The following SLC35F3 variants were observed in gnomAD, a reference collection of about 807,000 sequenced individuals.
SLC35F3 encodes the protein putative thiamine transporter SLC35F3.
Under a neutral mutation model 49.9 loss-of-function variants are expected in SLC35F3, and 25 were observed. That is an observed-to-expected ratio of 0.50 (90% CI 0.37 to 0.70). SLC35F3 has a LOEUF of 0.70. SLC35F3 is among the 30% of genes least tolerant of loss of function. The pLI is 0.00. For synonymous variants in SLC35F3, 275 were observed against 265.4 expected (o/e 1.04, Z -0.35); for missense variants, 525 against 639.8 (o/e 0.82, Z 1.94).
At chr1:234,104,730 A>G (rs1408487458) in intron 2 of SLC35F3, among the ~76,000 whole-genome samples, 1 of 152,262 alleles carries the variant, frequency 6.6e-6, no homozygotes, top group East Asian at 1.9e-4. Context: ...GGCCTATGGA[A>G]CTGACTGAAA....
chr1:234,089,044 T>TA (rs1665003142), intron 2 of SLC35F3, among the ~76,000 whole-genome samples: 2 of 152,196 alleles, frequency 1.3e-5, no homozygotes, highest in Non-Finnish European at 2.9e-5. Context: ...TTACAGGCAT[T>TA]AGCCATGGTG....
chr1:234,166,834 C>T (rs1666327714), intron 2 of SLC35F3, among the ~76,000 whole-genome samples: 1 of 152,224 alleles, frequency 6.6e-6, no homozygotes, highest in Non-Finnish European at 1.5e-5. Flanking sequence ...TGGTTCCTTT[C>T]TCAGTTCACC....
intron 2 of SLC35F3, among the ~76,000 whole-genome samples, chr1:233,917,324 A>T (rs4920229): frequency 6.6e-6 from 1 of 152,228 alleles, no homozygotes; most frequent in East Asian, 1.9e-4. Flanking sequence ...ACAGCTTCTT[A>T]GCTACAGGGG....
At chr1:234,213,631 T>C (rs1667072774) in intron 2 of SLC35F3, 1 of 152,310 alleles carries the variant, frequency 6.6e-6, no homozygotes, top group Admixed American at 6.5e-5. Flanking sequence ...GTGAAGCTGG[T>C]GCCTGCAGAG....
intron 2 of SLC35F3, among the ~76,000 whole-genome samples, chr1:234,162,593 C>T (rs1005490152): frequency 6.6e-6 from 1 of 151,846 alleles, no homozygotes; most frequent in Non-Finnish European, 1.5e-5. Context: ...CACCTCTGCT[C>T]TCCCCAGCCC....
chr1:234,181,892 A>G (rs1354287216), intron 2 of SLC35F3, among the ~76,000 whole-genome samples: 2 of 152,204 alleles, frequency 1.3e-5, no homozygotes, highest in African/African-American at 2.4e-5. Flanking sequence ...GCAACTATTT[A>G]TGAACTGCCT....
chr1:234,093,485 C>T (rs1665074233), intron 2 of SLC35F3, among the ~76,000 whole-genome samples: 2 of 152,234 alleles, frequency 1.3e-5, no homozygotes, highest in Non-Finnish European at 2.9e-5. Flanking sequence ...TCTCTGTTTA[C>T]TATCAGTCCT....
chr1:233,961,098 C>T (rs1662791621), intron 2 of SLC35F3, among the ~76,000 whole-genome samples: 1 of 152,120 alleles, frequency 6.6e-6, no homozygotes, highest in South Asian at 2.1e-4. Context: ...GATGTTGGAT[C>T]ACATACTTCT....
intron 3 of SLC35F3, among the ~76,000 whole-genome samples, chr1:234,271,206 G>A (rs901241344): frequency 5.9e-5 from 9 of 152,100 alleles, no homozygotes; most frequent in African/African-American, 1.9e-4. Flanking sequence ...GAGTCCATTC[G>A]GTTGCCCCAA....
chr1:233,992,082 C>A (rs571161498), intron 2 of SLC35F3, among the ~76,000 whole-genome samples: 4 of 152,290 alleles, frequency 2.6e-5, no homozygotes, highest in African/African-American at 9.6e-5. Context: ...ACCCAACCCA[C>A]ACGATGGTGA....
intron 2 of SLC35F3, among the ~76,000 whole-genome samples, chr1:234,225,809 C>T (rs906469182): frequency 6.6e-6 from 1 of 152,144 alleles, no homozygotes; most frequent in Non-Finnish European, 1.5e-5. Flanking sequence ...ATGGATAAGC[C>T]AAATTTGGTA....
intron 2 of SLC35F3, among the ~76,000 whole-genome samples, chr1:234,128,657 G>A (rs532202290): frequency 2.4e-4 from 36 of 152,326 alleles, no homozygotes; most frequent in African/African-American, 8.2e-4. Context: ...TCCAGGCCAA[G>A]GAAAGAGCTT....
chr1:233,999,927 T>C (rs750275622), intron 2 of SLC35F3, among the ~76,000 whole-genome samples: 2 of 152,152 alleles, frequency 1.3e-5, no homozygotes, highest in Non-Finnish European at 2.9e-5. Flanking sequence ...ATTTCAACAT[T>C]TAGGATATGA....
At chr1:233,980,830 G>A (rs1444261568) in intron 2 of SLC35F3, among the ~76,000 whole-genome samples, 1 of 152,148 alleles carries the variant, frequency 6.6e-6, no homozygotes, top group Non-Finnish European at 1.5e-5. Flanking sequence ...AATAATAATA[G>A]GCAACATTCA....
chr1:234,043,674 C>T (rs1460065626), intron 2 of SLC35F3, among the ~76,000 whole-genome samples: 2 of 152,130 alleles, frequency 1.3e-5, no homozygotes, highest in African/African-American at 2.4e-5. Flanking sequence ...CTGAAAAGGT[C>T]TCCAGGACCA....
At chr1:234,189,321 A>C (rs1280822046) in intron 2 of SLC35F3, among the ~76,000 whole-genome samples, 1 of 151,852 alleles carries the variant, frequency 6.6e-6, no homozygotes, top group East Asian at 1.9e-4. Flanking sequence ...TTAAAAATAT[A>C]CGAGATATAA....
chr1:234,064,935 A>G (rs1009088736), intron 2 of SLC35F3, among the ~76,000 whole-genome samples: 2 of 152,182 alleles, frequency 1.3e-5, no homozygotes, highest in African/African-American at 4.8e-5. Flanking sequence ...AGTACTGAAG[A>G]CTATTTTCTT....
At chr1:234,293,567 C>T (rs1558100992) in intron 3 of SLC35F3, among the ~76,000 whole-genome samples, 1 of 152,194 alleles carries the variant, frequency 6.6e-6, no homozygotes, top group Non-Finnish European at 1.5e-5. Flanking sequence ...AAGCCATCAG[C>T]ATGTGCCATG....
intron 2 of SLC35F3, among the ~76,000 whole-genome samples, chr1:234,108,401 A>G (rs1297852068): frequency 1.1e-4 from 12 of 109,832 alleles, no homozygotes; most frequent in Non-Finnish European, 1.7e-4. Flanking sequence ...ATATATATTT[A>G]TATATATGAT....
Sources: allele counts gnomAD v4.1 joint callset (sites outside exome capture counted in the v4.1 genomes callset), GRCh38; gene constraint gnomAD v4.1.1; transcripts MANE v1.5; gene names NCBI Gene and HGNC (gene_info 2026-07-23, HGNC 2026-07-21).